CCDC57: variants seen among roughly 807,000 people sequenced by gnomAD.
CCDC57 encodes coiled-coil domain containing 57, also known as coiled-coil domain-containing protein 57.
A neutral mutation model predicts 118.9 loss-of-function variants in CCDC57; 118 were observed. The ratio of observed to expected loss-of-function variants is 0.99; its 90% CI spans 0.86 to 1.16. The LOEUF (loss-of-function observed/expected upper bound fraction) is 1.16, where lower values mean the gene tolerates loss of function less well. Ranked by LOEUF, CCDC57 falls within the 50% of genes most tolerant of loss-of-function variation. The pLI is 0.00. For missense variants in CCDC57, 1,300 were observed against 1,320.7 expected (o/e 0.98, Z 0.24); for synonymous variants, 527 against 532.9 (o/e 0.99, Z 0.15).
At chr17:82,130,774 G>C (rs1258931825) in intron 17 of CCDC57, among the ~76,000 whole-genome samples, 2 of 147,464 alleles carry the variant, frequency 1.4e-5, no homozygotes, top group African/African-American at 5.0e-5. Context: ...AAGTGGCTGG[G>C]ATCACTGGTG....
chr17:82,212,395 C>CTTTTTTTTTTT lies in CCDC57; in HGVS notation c.-211+389_-211+390insAAAAAAAAAAA, dbSNP rs764385537. ...ACCGCCTCCGGCCTTTTTTTTTCCT[C>CTTTTTTTTTTT]TCTTTTTTTTTTTTTTTTTTTAAAC... On this transcript the variant is annotated intron_variant, in intron 1 of 19. Transcript: ENST00000665763. The surrounding 1 kb of genome is among the most constrained non-coding windows in gnomAD (Gnocchi z 4.1). 1.5e-5 allele frequency among the ~76,000 whole-genome samples: 2 copies of CTTTTTTTTTTT among 134,224 alleles called. 1 individual carries two copies. The highest frequency in any genetic ancestry group is 1.5e-4 in the Admixed American group (2 of 13,356). The allele number at this position is 134,224 out of a possible 152,430, so 88.1% of individuals were successfully genotyped here. A position where few individuals can be genotyped will look rare whatever the true frequency, so the allele number is the denominator to read the frequency against.
At chr17:82,195,334 G>A (rs375533833) in exon 5 of CCDC57, 40 of 1,598,994 alleles carry the variant, frequency 2.5e-5, no homozygotes, top group African/African-American at 1.9e-4. Flanking sequence ...TCCCTCTTCC[G>A]CATTTTCGAT....
chr17:82,142,634 T>C (rs1472896736), intron 16 of CCDC57, among the ~76,000 whole-genome samples: 2 of 152,060 alleles, frequency 1.3e-5, no homozygotes, highest in African/African-American at 4.8e-5. Flanking sequence ...TTATAAAACA[T>C]GATGGTGAGA....
chr17:82,131,928 CAACATGGCGAAACCCTATCTCTACAA>C (rs1295305141), intron 17 of CCDC57, among the ~76,000 whole-genome samples: 1 of 151,880 alleles, frequency 6.6e-6, no homozygotes, highest in Non-Finnish European at 1.5e-5. Flanking sequence ...CCAGCCTGGG[CAACATGGCGAAACCCTATCTCTACAA>C]AAAATACAAA....
At chr17:82,116,419 T>C (rs1281393356) in intron 19 of CCDC57, among the ~76,000 whole-genome samples, 1 of 152,058 alleles carries the variant, frequency 6.6e-6, no homozygotes, top group Non-Finnish European at 1.5e-5. Context: ...CACTGAGCCC[T>C]GGCCCCAATC....
intron 19 of CCDC57, among the ~76,000 whole-genome samples, chr17:82,109,984 G>T (rs1048196758): frequency 5.7e-5 from 8 of 140,848 alleles, no homozygotes; most frequent in African/African-American, 2.1e-4. Flanking sequence ...AAAGAAGTCT[G>T]TTTTTTTTTT....
intron 8 of CCDC57, 123 bp from the exon 8 acceptor site, chr17:82,184,055 A>ACACACACC: frequency 1.8e-6 from 1 of 569,346 alleles, no homozygotes; most frequent in Non-Finnish European, 3.1e-6. Context: ...ACACACACAC[A>ACACACACC]CACACACACA....
At chr17:82,186,848 G>A (rs1259367442) in intron 8 of CCDC57, among the ~76,000 whole-genome samples, 9 of 151,902 alleles carry the variant, frequency 5.9e-5, no homozygotes, top group South Asian at 2.1e-4. Flanking sequence ...AGGCTGAGGC[G>A]GGAGGATCAC....
In CCDC57 at chr17:82,186,384, T is replaced by C. The variant is rs548147550; in HGVS notation, c.1052+1835A>G. 6.6e-5 allele frequency among the ~76,000 whole-genome samples: 10 copies of C among 152,302 alleles called. No homozygotes were observed. In the East Asian group the frequency reaches 1.2e-3, roughly 18 times the overall value. ...GGCGCACAGGAGTGGTGACGCCCAG[T>C]CACCTCGGCCGCACTACATGGAAAA... On this transcript the variant is annotated intron_variant, in intron 8 of 19. Coordinates refer to ENST00000665763, the Ensembl canonical transcript of CCDC57.
At chr17:82,157,818 T>C in exon 15 of CCDC57, 1 of 1,604,868 alleles carries the variant, frequency 6.2e-7, no homozygotes, top group South Asian at 1.1e-5. Context: ...TCCCCCGTGC[T>C]GGGCTATCCT....
At chr17:82,177,394 A>C (rs569657992) in intron 11 of CCDC57, among the ~76,000 whole-genome samples, 6 of 151,986 alleles carry the variant, frequency 3.9e-5, no homozygotes, top group African/African-American at 1.4e-4. Context: ...CAACTCCAAA[A>C]ATTAGCCAGG....
rs930441726 is a variant in CCDC57, at chr17:82,204,536, G to C, written c.-8-2584C>G. On this transcript the variant is annotated intron_variant, in intron 2 of 19. Coordinates refer to ENST00000665763, the Ensembl canonical transcript of CCDC57. ...CAGTGGCTCATGCCTGTAATCCCAG[G>C]ACTTTGGGAGGCCGAGGCGGGCGGA... Among the ~76,000 whole-genome samples the C allele has an allele frequency of 5.9e-5, 9 of 152,130 alleles. No individual in the cohort carries two copies. In the East Asian group the frequency reaches 1.2e-3, roughly 20 times the overall value.
intron 2 of CCDC57, among the ~76,000 whole-genome samples, chr17:82,206,562 TG>T (rs148584937): frequency 1.3e-5 from 2 of 151,420 alleles, no homozygotes; most frequent in Non-Finnish European, 2.9e-5. Flanking sequence ...GGGTGGGGTG[TG>T]GGGGGGTCCT....
At chr17:82,201,630 C>T (rs1259975932) in exon 3 of CCDC57, 7 of 1,613,804 alleles carry the variant, frequency 4.3e-6, no homozygotes, top group East Asian at 2.2e-5. Flanking sequence ...CTCTGGCTAG[C>T]GCCTGCCTCA....
intron 2 of CCDC57, among the ~76,000 whole-genome samples, chr17:82,204,387 T>G (rs1313618555): frequency 6.6e-6 from 1 of 152,200 alleles, no homozygotes; most frequent in Admixed American, 6.5e-5. Flanking sequence ...TCTCCCACCT[T>G]GTGCCCACAC....
At chr17:82,178,568 T>C in exon 11 of CCDC57, 2 of 1,613,384 alleles carry the variant, frequency 1.2e-6, no homozygotes, top group Non-Finnish European at 1.7e-6. Context: ...CTCCTGCTCC[T>C]GTAGCGCCTG....
chr17:82,159,569 G>A (rs1289957319), intron 14 of CCDC57, among the ~76,000 whole-genome samples: 2 of 152,038 alleles, frequency 1.3e-5, no homozygotes, highest in Non-Finnish European at 2.9e-5. Flanking sequence ...GAGGTATGAG[G>A]GTAACGCACA....
At chr17:82,196,782 G>T (rs2048345637) in intron 4 of CCDC57, among the ~76,000 whole-genome samples, 1 of 149,048 alleles carries the variant, frequency 6.7e-6, no homozygotes, top group South Asian at 2.1e-4. Flanking sequence ...CTTCACAGAA[G>T]AAGCCCCTCA....
In CCDC57 at chr17:82,116,458, C is replaced by T. The variant is rs151259914; in HGVS notation, c.2899+11234G>A. Among the ~76,000 whole-genome samples the T allele has an allele frequency of 3.9e-5, 6 of 152,244 alleles. No individual in the cohort carries two copies. The East Asian group carries it at 1.2e-3, about 29-fold the overall frequency. ...ATGAGGCTCTACATGGCGGCCCTAC[C>T]CACTTCTCCTATGCAGTCTTCCCCA... On this transcript the variant is annotated intron_variant, in intron 19 of 19. Coordinates refer to ENST00000665763, the Ensembl canonical transcript of CCDC57.
Sources: allele counts gnomAD v4.1 joint callset (sites outside exome capture counted in the v4.1 genomes callset), GRCh38; gene constraint gnomAD v4.1.1; non-coding constraint Gnocchi (gnomAD v3.1); transcripts MANE v1.5; gene names NCBI Gene and HGNC (gene_info 2026-07-23, HGNC 2026-07-21).